The following CADPS2 variants were observed in gnomAD, a reference collection of about 807,000 sequenced individuals.
CADPS2 encodes calcium-dependent secretion activator 2.
A neutral mutation model predicts 172.5 loss-of-function variants in CADPS2; 93 were observed. The ratio of observed to expected loss-of-function variants is 0.54; its 90% CI spans 0.46 to 0.64. The LOEUF (loss-of-function observed/expected upper bound fraction) is 0.64. Among genes scored for constraint, CADPS2 ranks in the 30% least tolerant of loss-of-function variants. The pLI is 0.00. For missense variants in CADPS2, 1,420 were observed against 1,565.9 expected, an observed-to-expected ratio of 0.91 and a Z score of 1.57; for synonymous variants, 546 against 555.2, an observed-to-expected ratio of 0.98 and a Z score of 0.23.
chr7:122,551,706 G>C (rs1422789867), intron 8 of CADPS2, among the ~76,000 whole-genome samples: 1 of 151,964 alleles, frequency 6.6e-6, no homozygotes, highest in African/African-American at 2.4e-5. Flanking sequence ...ATATTTTAAA[G>C]ATAAATTAAT....
intron 18 of CADPS2, among the ~76,000 whole-genome samples, 168 bp downstream of exon 18, chr7:122,415,893 T>C (rs76938095): frequency 0.022 from 3,369 of 152,354 alleles, 44 homozygotes; most frequent in Non-Finnish European, 0.035. Context: ...TGTGTGAATG[T>C]GCAATGGGAT....
intron 3 of CADPS2, among the ~76,000 whole-genome samples, chr7:122,637,109 A>C (rs189539215): frequency 4.3e-4 from 64 of 148,692 alleles, no homozygotes; most frequent in Admixed American, 2.2e-3. Flanking sequence ...TTAAGCTCTG[A>C]AATTCCTTCC....
chr7:122,323,873 TTATATATA>T (rs71159788), intron 29 of CADPS2, among the ~76,000 whole-genome samples: 340 of 112,340 alleles, frequency 3.0e-3, no homozygotes, highest in African/African-American at 0.01. Context: ...TATGTATATT[TTATATATA>T]TATATATATA....
At position 122,495,494 on chromosome 7, in the gene CADPS2, G is replaced by T. The variant is rs543917723; in HGVS notation, c.1543-4074C>A. On this transcript the variant is annotated intron_variant, in intron 9 of 29. Coordinates refer to ENST00000449022, the MANE Select transcript of CADPS2 (RefSeq NM_017954.11). The stretch of plus-strand genomic sequence containing the variant: ...TCTTCCCCAAAAGTTCAATGCTTCT[G>T]ATGCTTAACCATCTTGATATAAATA... Among the ~76,000 whole-genome samples the T allele has an allele frequency of 1.4e-3, 211 of 152,254 alleles. 6 individuals carry two copies. The South Asian group carries it at 0.042, about 31-fold the overall frequency.
intron 1 of CADPS2, among the ~76,000 whole-genome samples, chr7:122,878,458 G>A (rs1821899666): frequency 6.6e-6 from 1 of 151,646 alleles, no homozygotes; most frequent in Non-Finnish European, 1.5e-5. Flanking sequence ...CGAGACCATG[G>A]TGAAACCCCG....
chr7:122,418,136 C>T (rs539287811), intron 17 of CADPS2, among the ~76,000 whole-genome samples: 1 of 151,198 alleles, frequency 6.6e-6, no homozygotes, highest in Non-Finnish European at 1.5e-5. Flanking sequence ...CACCATTGCG[C>T]TCCAGCCTGG....
chr7:122,755,472 G>A lies in CADPS2; in HGVS notation c.340-18404C>T, dbSNP rs552253241. ...ACACTGTATTGTATTTGGGACCAAT[G>A]AAGCAAAGAATATTGAAAGAGTATC... On this transcript the variant is annotated intron_variant, in intron 1 of 29. Transcript: ENST00000449022. Among the ~76,000 whole-genome samples, 34 of 152,190 alleles carry A rather than the reference G, an allele frequency of 2.2e-4. No homozygotes were observed. In the South Asian group the frequency reaches 6.9e-3, roughly 31 times the overall value.
intron 8 of CADPS2, among the ~76,000 whole-genome samples, chr7:122,523,348 T>C (rs1200019280): frequency 6.6e-6 from 1 of 152,142 alleles, no homozygotes; most frequent in African/African-American, 2.4e-5. Flanking sequence ...TCAATAAATA[T>C]AAGCCAAATA....
At chr7:122,605,208 G>T (rs1430879874) in intron 6 of CADPS2, among the ~76,000 whole-genome samples, 2 of 152,224 alleles carry the variant, frequency 1.3e-5, no homozygotes, top group Non-Finnish European at 1.5e-5. Context: ...AGGTGAGTCA[G>T]TGAGTAAGTG....
intron 27 of CADPS2, among the ~76,000 whole-genome samples, chr7:122,347,634 C>A (rs1257500660): frequency 6.6e-6 from 1 of 152,054 alleles, no homozygotes; most frequent in Non-Finnish European, 1.5e-5. Context: ...CTAATGGAGG[C>A]AATTTATCAA....
At chr7:122,660,147 CT>C (rs1279410404) in intron 3 of CADPS2, among the ~76,000 whole-genome samples, 1 of 152,062 alleles carries the variant, frequency 6.6e-6, no homozygotes, top group African/African-American at 2.4e-5. Flanking sequence ...TAAAAGATAA[CT>C]GTTCAAAGCA....
At chr7:122,484,663 T>A in intron 11 of CADPS2, among the ~76,000 whole-genome samples, 1 of 124,478 alleles carries the variant, frequency 8.0e-6, no homozygotes, top group African/African-American at 3.2e-5. Flanking sequence ...AAATTAAGAA[T>A]TTCTTTTTTT....
At chr7:122,594,091 T>C (rs2071350781) in intron 6 of CADPS2, among the ~76,000 whole-genome samples, 1 of 152,036 alleles carries the variant, frequency 6.6e-6, no homozygotes, top group Non-Finnish European at 1.5e-5. Context: ...AAACACTGAA[T>C]AAAATTTTTT....
intron 2 of CADPS2, among the ~76,000 whole-genome samples, chr7:122,724,938 T>C (rs2090924712): frequency 1.3e-5 from 2 of 152,050 alleles, no homozygotes; most frequent in Non-Finnish European, 2.9e-5. Context: ...AAAGCAATTA[T>C]AATGAAATAG....
intron 28 of CADPS2, among the ~76,000 whole-genome samples, chr7:122,336,112 ATTATT>A (rs1452380989): frequency 6.6e-6 from 1 of 152,190 alleles, no homozygotes; most frequent in African/African-American, 2.4e-5. Context: ...AAAGCTTAAA[ATTATT>A]TTATATATAG....
chr7:122,409,549 T>C (rs1398480325), intron 19 of CADPS2: 7 of 415,012 alleles, frequency 1.7e-5, no homozygotes, highest in Non-Finnish European at 3.7e-5. Flanking sequence ...GAAGTATATA[T>C]TTATATCTCA....
intron 27 of CADPS2, among the ~76,000 whole-genome samples, chr7:122,352,573 C>G (rs1466696986): frequency 3.9e-5 from 6 of 152,236 alleles, no homozygotes; most frequent in Non-Finnish European, 8.8e-5. Flanking sequence ...ACAACCTCCT[C>G]CACTCCTAGA....
intron 1 of CADPS2, among the ~76,000 whole-genome samples, chr7:122,824,993 G>A (rs998288550): frequency 2.0e-5 from 3 of 151,614 alleles, no homozygotes; most frequent in Non-Finnish European, 2.9e-5. Flanking sequence ...CCAAGGAAAC[G>A]AAAAAAGTAA....
chr7:122,478,614 T>C (rs778591659), intron 12 of CADPS2, among the ~76,000 whole-genome samples: 3 of 152,180 alleles, frequency 2.0e-5, no homozygotes, highest in Non-Finnish European at 4.4e-5. Context: ...ATTAGGATAA[T>C]AGCTGTTGGA....
Sources: allele counts gnomAD v4.1 joint callset (sites outside exome capture counted in the v4.1 genomes callset), GRCh38; gene constraint gnomAD v4.1.1; transcripts MANE v1.5; gene names NCBI Gene and HGNC (gene_info 2026-07-23, HGNC 2026-07-21).